DAB1: variants seen among roughly 807,000 people sequenced by gnomAD.
The protein encoded by DAB1 is DAB adaptor protein 1, also known as disabled homolog 1.
A neutral mutation model predicts 64.6 loss-of-function variants in DAB1; 15 were observed. That is an observed-to-expected ratio of 0.23 (90% CI 0.16 to 0.36). The LOEUF (loss-of-function observed/expected upper bound fraction) is 0.36. DAB1 is among the 10% of genes least tolerant of loss of function. The pLI is 1.00. For synonymous variants in DAB1, 235 were observed against 251.9 expected (o/e 0.93, Z 0.64); for missense variants, 596 against 706.7 (o/e 0.84, Z 1.78).
At chr1:57,207,645 G>T (rs1197512540) in intron 2 of DAB1, among the ~76,000 whole-genome samples, 2 of 149,692 alleles carry the variant, frequency 1.3e-5, no homozygotes, top group Non-Finnish European at 3.0e-5. Flanking sequence ...GGGTTTCACC[G>T]TTTTTAGCCG....
At chr1:57,149,565 T>G (rs896488062) in intron 2 of DAB1, among the ~76,000 whole-genome samples, 1 of 152,182 alleles carries the variant, frequency 6.6e-6, no homozygotes, top group African/African-American at 2.4e-5. Context: ...AGCTTTGACT[T>G]GCATTTCCCT....
intron 7 of DAB1, among the ~76,000 whole-genome samples, chr1:57,531,314 C>T (rs1362925157): frequency 6.6e-6 from 1 of 152,122 alleles, no homozygotes; most frequent in East Asian, 1.9e-4. Context: ...GAAAAACCCA[C>T]TTTGATTGTA....
chr1:57,776,686 A>G (rs968115504), intron 6 of DAB1, among the ~76,000 whole-genome samples: 1 of 151,832 alleles, frequency 6.6e-6, no homozygotes, highest in Admixed American at 6.6e-5. Context: ...ACTTCAGATA[A>G]TATTATACCA....
intron 1 of DAB1, chr1:58,530,455 A>T (rs867911861): frequency 1.9e-6 from 1 of 528,694 alleles, no homozygotes; most frequent in Middle Eastern, 3.3e-4. Context: ...ATATCCCCTA[A>T]AAACGAGAAA....
intron 7 of DAB1, among the ~76,000 whole-genome samples, chr1:57,439,417 G>GGTTTTTTTT (rs1328337487): frequency 1.8e-5 from 2 of 111,066 alleles, no homozygotes; most frequent in African/African-American, 7.2e-5. Context: ...TTGGTGATGA[G>GGTTTTTTTT]GTTTTTTCTT....
chr1:57,431,428 A>G (rs1685512974), intron 7 of DAB1, among the ~76,000 whole-genome samples: 1 of 152,218 alleles, frequency 6.6e-6, no homozygotes, highest in South Asian at 2.1e-4. Flanking sequence ...AAAATGTCCA[A>G]TTGCTGTTTC....
At chr1:57,401,067 C>T (rs894830081) in intron 1 of DAB1, among the ~76,000 whole-genome samples, 5 of 150,854 alleles carry the variant, frequency 3.3e-5, no homozygotes, top group Admixed American at 6.6e-5. Context: ...TAGCACAGCA[C>T]GGTCCTACCA....
chr1:57,458,505 A>T (rs531735863), intron 7 of DAB1, among the ~76,000 whole-genome samples: 2 of 152,154 alleles, frequency 1.3e-5, no homozygotes, highest in South Asian at 4.1e-4. Flanking sequence ...TGAATGAGTA[A>T]CTTTTACTAA....
chr1:58,010,093 A>G (rs1377510810), intron 5 of DAB1, among the ~76,000 whole-genome samples: 2 of 152,178 alleles, frequency 1.3e-5, no homozygotes, highest in African/African-American at 4.8e-5. Context: ...TGGCATGTGT[A>G]TCCAATGCTG....
At chr1:58,186,400 T>C (rs567656941) in intron 4 of DAB1, among the ~76,000 whole-genome samples, 1 of 152,328 alleles carries the variant, frequency 6.6e-6, no homozygotes, top group South Asian at 2.1e-4. Flanking sequence ...AATTATTGTA[T>C]TGTCATCTGC....
At chr1:57,619,654 G>A (rs1256033750) in intron 7 of DAB1, among the ~76,000 whole-genome samples, 1 of 152,120 alleles carries the variant, frequency 6.6e-6, no homozygotes, top group Non-Finnish European at 1.5e-5. Flanking sequence ...CTCCCCGCTT[G>A]GCCTCCCACG....
intron 5 of DAB1, among the ~76,000 whole-genome samples, chr1:58,128,397 G>T (rs1250291744): frequency 2.1e-4 from 29 of 136,964 alleles, no homozygotes; most frequent in Admixed American, 5.0e-4. Context: ...CAATCATGTC[G>T]TCTGCAAACA....
chr1:57,726,017 G>A (rs1647205154), intron 6 of DAB1, among the ~76,000 whole-genome samples: 1 of 152,190 alleles, frequency 6.6e-6, no homozygotes, highest in Non-Finnish European at 1.5e-5. Context: ...GCTTCCCAAA[G>A]TGCTGGGATT....
intron 5 of DAB1, among the ~76,000 whole-genome samples, chr1:58,109,795 G>A (rs1342649952): frequency 2.0e-5 from 3 of 151,254 alleles, no homozygotes; most frequent in Non-Finnish European, 4.4e-5. Flanking sequence ...AGCTGAATAA[G>A]CAAAAAGAGC....
chr1:57,343,599 G>C (rs929879985), intron 1 of DAB1, among the ~76,000 whole-genome samples: 9 of 152,240 alleles, frequency 5.9e-5, no homozygotes, highest in Non-Finnish European at 1.2e-4. Context: ...TGCCCTGAGG[G>C]AAGGCAGCTA....
At chr1:57,059,843 T>G (rs893522940) in intron 9 of DAB1, among the ~76,000 whole-genome samples, 1 of 152,182 alleles carries the variant, frequency 6.6e-6, no homozygotes, top group African/African-American at 2.4e-5. Context: ...CACCTGTCTC[T>G]ATACCACAGC....
rs867319597 is a variant in DAB1 at position 57,235,797 on chromosome 1, T to C, written c.67+55167A>G. On this transcript the variant is annotated intron_variant, in intron 2 of 14. Coordinates refer to ENST00000371236, the MANE Select transcript of DAB1 (RefSeq NM_001365792.1). ...AGGCACAAAGGAATCGCTTGCATTTTAATCTCCTTAACATTAAACTTGAAG... is the reference window on the plus strand; with the variant it reads ...AGGCACAAAGGAATCGCTTGCATTTCAATCTCCTTAACATTAAACTTGAAG... Among the ~76,000 whole-genome samples the C allele has an allele frequency of 3.4e-4, 52 of 152,340 alleles. No homozygotes were observed. In the Middle Eastern group the frequency reaches 0.01, roughly 30 times the overall value.
At chr1:58,297,248 A>G (rs1203451212) in intron 4 of DAB1, among the ~76,000 whole-genome samples, 1 of 152,226 alleles carries the variant, frequency 6.6e-6, no homozygotes, top group Non-Finnish European at 1.5e-5. Context: ...GAGAACGTGT[A>G]TAATTAAGTA....
At chr1:57,465,233 G>C (rs893618438) in intron 7 of DAB1, among the ~76,000 whole-genome samples, 8 of 152,112 alleles carry the variant, frequency 5.3e-5, no homozygotes, top group African/African-American at 1.9e-4. Flanking sequence ...CTGGTTTATG[G>C]GTTACACTTC....
Sources: allele counts gnomAD v4.1 joint callset (sites outside exome capture counted in the v4.1 genomes callset), GRCh38; gene constraint gnomAD v4.1.1; transcripts MANE v1.5; gene names NCBI Gene and HGNC (gene_info 2026-07-23, HGNC 2026-07-21).